Variants in SLC1A7 observed in about 807,000 individuals in gnomAD.
SLC1A7 encodes solute carrier family 1 member 7.
A neutral mutation model predicts 47.7 loss-of-function variants in SLC1A7; 40 were observed. The ratio of observed to expected loss-of-function variants is 0.84; its 90% CI spans 0.65 to 1.09. The LOEUF is 1.09. Among genes scored for constraint, SLC1A7 ranks in the 50% least tolerant of loss-of-function variants. The probability of loss-of-function intolerance (pLI) is 0.00; values close to 1 mark genes in which losing one functional copy is unlikely to be tolerated. For missense variants in SLC1A7, 746 were observed against 769.5 expected (o/e 0.97, Z 0.36); for synonymous variants, 323 against 325.6 (o/e 0.99, Z 0.09).
Position 53,090,731 on chromosome 1 carries a change from C to T in SLC1A7, c.1107G>A (p.Val369=). 1 of 1,614,028 alleles carries T rather than the reference C, an allele frequency of 6.2e-7. No homozygotes were observed. The highest frequency in any genetic ancestry group is 1.1e-5 in the South Asian group (1 of 91,024). Residue 369 remains valine (V), a synonymous_variant, in exon 8 of 11, where the codon GTG becomes GTA. Coordinates refer to ENST00000371494, the MANE Select transcript of SLC1A7 (RefSeq NM_006671.6). ...NHIDRRIARF[V]LPVGATINMD... is the part of the protein sequence containing the mutation. The stretch of plus-strand genomic sequence containing the variant: ...TGTTGATGGTGGCACCCACGGGCAG[C>T]ACGAAGCGAGCGATGCGCCGGTCGA...
At chr1:53,142,245 G>A (rs764260431) in intron 1 of SLC1A7, 70 bp downstream of exon 1, 16 of 1,491,670 alleles carry the variant, frequency 1.1e-5, no homozygotes, top group Non-Finnish European at 1.4e-5. Flanking sequence ...ATGCTAGAAC[G>A]GGACCCCAGA....
At chr1:53,093,595 G>A in intron 5 of SLC1A7, 35 bp from the exon 6 acceptor site, 1 of 1,531,868 alleles carries the variant, frequency 6.5e-7, no homozygotes. Flanking sequence ...TGGTAAAGCA[G>A]GGACAGACCC....
rs1157388498 is a variant in SLC1A7 at position 53,119,556 on chromosome 1, T to C, written c.216-4583A>G. The stretch of plus-strand genomic sequence containing the variant: ...AGTAGAGATGGGGGTATCTTGATGA[T>C]GCCCAATCTGGTCTGGAACTCCTGA... On this transcript the variant is annotated intron_variant, in intron 2 of 10. Coordinates refer to ENST00000371494, the MANE Select transcript of SLC1A7 (RefSeq NM_006671.6). Among the ~76,000 whole-genome samples the C allele has an allele frequency of 2.0e-5, 3 of 152,126 alleles. No individual in the cohort carries two copies. The East Asian group carries it at 5.8e-4, about 29-fold the overall frequency.
chr1:53,119,232 A>C (rs950220573), intron 2 of SLC1A7, among the ~76,000 whole-genome samples: 3 of 152,172 alleles, frequency 2.0e-5, no homozygotes, highest in Non-Finnish European at 4.4e-5. Context: ...CAAGATTGGA[A>C]CAGGGATTTC....
intron 2 of SLC1A7, among the ~76,000 whole-genome samples, chr1:53,122,225 G>T (rs1224808330): frequency 6.6e-6 from 1 of 152,168 alleles, no homozygotes; most frequent in Non-Finnish European, 1.5e-5. Flanking sequence ...CACAATAAGT[G>T]GGTTCAAGCC....
At chr1:53,104,572 T>G (rs1215102458) in intron 4 of SLC1A7, among the ~76,000 whole-genome samples, 2 of 152,212 alleles carry the variant, frequency 1.3e-5, no homozygotes, top group African/African-American at 2.4e-5. Flanking sequence ...TCTCTTTATC[T>G]CTCACACCCT....
intron 10 of SLC1A7, among the ~76,000 whole-genome samples, chr1:53,088,630 G>A (rs545284531): frequency 3.3e-5 from 5 of 152,286 alleles, no homozygotes; most frequent in Admixed American, 2.6e-4. Context: ...ACACGAGGGC[G>A]GGGAATTTTA....
At chr1:53,090,929 T>C (rs1199463061) in intron 7 of SLC1A7, 123 bp from the exon 8 acceptor site, 1 of 1,539,712 alleles carries the variant, frequency 6.5e-7, no homozygotes, top group South Asian at 1.2e-5. Context: ...TCTGCAGCGC[T>C]GCTCCGGCAG....
At chr1:53,114,381 C>T (rs995718060) in intron 3 of SLC1A7, among the ~76,000 whole-genome samples, 1 of 152,158 alleles carries the variant, frequency 6.6e-6, no homozygotes, top group Non-Finnish European at 1.5e-5. Flanking sequence ...CTACCGGTGA[C>T]TCTGGAAAAG....
At chr1:53,111,577 G>C (rs1362359054) in intron 3 of SLC1A7, among the ~76,000 whole-genome samples, 2 of 152,178 alleles carry the variant, frequency 1.3e-5, no homozygotes, top group Non-Finnish European at 2.9e-5. Flanking sequence ...TTTCAAGGTA[G>C]AGCTCACAGA....
chr1:53,132,002 G>C (rs964921181), intron 2 of SLC1A7, among the ~76,000 whole-genome samples: 1 of 152,172 alleles, frequency 6.6e-6, no homozygotes, highest in Non-Finnish European at 1.5e-5. Flanking sequence ...AGATGTTGGG[G>C]AAGCATGTTC....
intron 3 of SLC1A7, among the ~76,000 whole-genome samples, chr1:53,106,548 C>T (rs552360974): frequency 6.7e-5 from 10 of 149,988 alleles, no homozygotes; most frequent in Middle Eastern, 3.5e-3. Context: ...TGCAGTGAGC[C>T]GAGATCGCGC....
At chr1:53,092,436 G>A (rs1222478903) in intron 7 of SLC1A7, 118 bp downstream of exon 7, 16 of 747,140 alleles carry the variant, frequency 2.1e-5, no homozygotes, top group Non-Finnish European at 3.4e-5. Context: ...CCGCATTTGT[G>A]AGGTGGGCCA....
intron 2 of SLC1A7, among the ~76,000 whole-genome samples, chr1:53,120,662 C>T (rs1225932649): frequency 6.6e-6 from 1 of 152,234 alleles, no homozygotes; most frequent in Non-Finnish European, 1.5e-5. Context: ...TGACTGCAGC[C>T]ATCTCACCCA....
At chr1:53,138,597 G>A (rs1249836979) in intron 1 of SLC1A7, among the ~76,000 whole-genome samples, 1 of 150,790 alleles carries the variant, frequency 6.6e-6, no homozygotes, top group Admixed American at 6.6e-5. Flanking sequence ...TGAATGCCTG[G>A]GGTCAGGCAA....
chr1:53,118,467 T>A (rs1299411751), intron 2 of SLC1A7: 1 of 152,188 alleles, frequency 6.6e-6, no homozygotes, highest in African/African-American at 2.4e-5. Flanking sequence ...AGCCATCATC[T>A]CTCTGGGACT....
At chr1:53,097,292 AACC>A in intron 5 of SLC1A7, among the ~76,000 whole-genome samples, 1 of 149,742 alleles carries the variant, frequency 6.7e-6, no homozygotes, top group East Asian at 2.0e-4. Flanking sequence ...ACACTCACAC[AACC>A]CACCTCGGTA....
At position 53,090,820 on chromosome 1, in the gene SLC1A7, G is replaced by C. The variant is rs767061057; in HGVS notation, c.1032-14C>G. 1.6e-5 allele frequency: 26 copies of C among 1,600,546 alleles called. No homozygotes were observed. Among genetic ancestry groups the C allele is most frequent in the Non-Finnish European group, 2.1e-5 (25 of 1,173,710 alleles). On this transcript the variant is annotated splice_polypyrimidine_tract_variant and intron_variant, in intron 7 of 10. Coordinates refer to ENST00000371494, the MANE Select transcript of SLC1A7 (RefSeq NM_006671.6). ...AGTGTGGCTGAGCTACGGTTAGAGG[G>C]GCCGGTGTCTGCCCAGCACCCTCCT...
In SLC1A7 at chr1:53,093,507, G is replaced by C; in HGVS notation, c.751C>G (p.Gln251Glu). 2.5e-6 allele frequency: 4 copies of C among 1,610,868 alleles called. No individual in the cohort carries two copies. Among genetic ancestry groups the C allele is most frequent in the Middle Eastern group, 1.7e-4 (1 of 6,060 alleles). Reference sequence around the variant, plus strand: ...TTCATGACCGACTCATTGAGGCACTGGCAGAAGCTGACCAGGGGGGCCCCG... The same window carrying C: ...TTCATGACCGACTCATTGAGGCACTCGCAGAAGCTGACCAGGGGGGCCCCG... ...DSGAPLVSFC[Q>E]CLNESVMKIV... The change falls in exon 6 of 11, where the codon CAG becomes GAG. Residue 251 changes from glutamine (Q) to glutamate (E), a missense_variant. Physicochemically the swap from Gln to Glu is conservative, Grantham distance 29. Coordinates refer to ENST00000371494, the MANE Select transcript of SLC1A7 (RefSeq NM_006671.6).
Sources: gnomAD v4.1 joint callset for allele counts (sites outside exome capture counted in the v4.1 genomes callset) on GRCh38, gnomAD v4.1.1 for gene constraint, MANE v1.5 for transcripts, NCBI Gene and HGNC (gene_info 2026-07-23, HGNC 2026-07-21) for gene names.